Variants in SH3YL1 observed in about 807,000 individuals in gnomAD.
SH3YL1 encodes SH3 domain-containing YSC84-like protein 1.
A neutral mutation model predicts 45.8 loss-of-function variants in SH3YL1; 41 were observed. That is an observed-to-expected ratio of 0.89 (90% CI 0.70 to 1.16). SH3YL1 has a LOEUF of 1.16. SH3YL1 is among the 50% of genes most tolerant of loss of function. The pLI is 0.00. For missense variants in SH3YL1, 389 were observed against 409.6 expected (o/e 0.95, Z 0.43); for synonymous variants, 152 against 151.4 (o/e 1.00, Z -0.03).
chr2:247,355 AAAGT>A, intron 4 of SH3YL1, among the ~76,000 whole-genome samples, 179 bp downstream of exon 4: 1 of 152,364 alleles, frequency 6.6e-6, no homozygotes, highest in South Asian at 2.1e-4. Flanking sequence ...AAAGAAAAGG[AAAGT>A]AAATGGGAAC....
At chr2:263,684 T>A in intron 1 of SH3YL1, 1 of 376,512 alleles carries the variant, frequency 2.7e-6, no homozygotes, top group Admixed American at 4.7e-5. Flanking sequence ...GGATGGTCGC[T>A]GACACCTCGC....
In SH3YL1 at chr2:230,036, T is replaced by C; in HGVS notation, c.711A>G (p.Glu237=). 6.2e-7 allele frequency: 1 copy of C among 1,600,798 alleles called. No homozygotes were observed. Among genetic ancestry groups the C allele is most frequent in the Non-Finnish European group, 8.5e-7 (1 of 1,172,772 alleles). Residue 237 remains glutamate (E), a synonymous_variant, in exon 8 of 10, where the codon GAA becomes GAG. Coordinates refer to ENST00000356150, the MANE Select transcript of SH3YL1 (RefSeq NM_015677.4). ...AREQRKSSAK[E]LPPKPLSRPQ... is the part of the protein sequence containing the mutation. ...GTCTTGACAATGGCTTTGGAGGTAATTCTTTAGCCTGGGAGAAACAAAAAG... is the reference window on the plus strand; with the variant it reads ...GTCTTGACAATGGCTTTGGAGGTAACTCTTTAGCCTGGGAGAAACAAAAAG...
At chr2:229,262 T>A (rs570374133) in intron 8 of SH3YL1, among the ~76,000 whole-genome samples, 1 of 152,184 alleles carries the variant, frequency 6.6e-6, no homozygotes, top group Non-Finnish European at 1.5e-5. Context: ...GATCCTGAGC[T>A]CCAAAGAACA....
At position 218,888 on chromosome 2, in the gene SH3YL1, A is replaced by G. The variant is rs374187755; in HGVS notation, c.952T>C (p.Ser318Pro). 8 of 1,614,008 alleles carry G rather than the reference A, an allele frequency of 5.0e-6. No homozygotes were observed. Among genetic ancestry groups the G allele is most frequent in the East Asian group, 4.5e-5 (2 of 44,882 alleles). Reference protein sequence around the residue: ...DRITVISKTDSHFDWWEGKLR... With the variant: ...DRITVISKTDPHFDWWEGKLR... ...TTTCCTTCCCACCAATCAAAATGTGAATCTGTTTTTGATATAACTGTGATT... is the reference window on the plus strand; with the variant it reads ...TTTCCTTCCCACCAATCAAAATGTGGATCTGTTTTTGATATAACTGTGATT... Residue 318 changes from serine (S) to proline (P), a missense_variant, in exon 10 of 10, where the codon TCA becomes CCA. By Grantham distance (74) the Ser-to-Pro change is moderately conservative. Transcript: ENST00000356150.
At chr2:264,650 C>T (rs1189557102), upstream of SH3YL1, 1 of 251,168 alleles carries the variant, frequency 4.0e-6, no homozygotes, top group Non-Finnish European at 7.6e-6. Context: ...CCTTCCGCGG[C>T]CCTACTCCCT....
At chr2:252,915 C>A in intron 2 of SH3YL1, 90 bp downstream of exon 2, 1 of 734,046 alleles carries the variant, frequency 1.4e-6, no homozygotes, top group Non-Finnish European at 2.2e-6. Flanking sequence ...TTGATGGAGG[C>A]TTCTGCCTGA....
At chr2:226,055 T>C (rs1405365332) in intron 8 of SH3YL1, among the ~76,000 whole-genome samples, 1 of 152,098 alleles carries the variant, frequency 6.6e-6, no homozygotes, top group African/African-American at 2.4e-5. Flanking sequence ...TGAGCTCAAA[T>C]TATGTGAAGA....
intron 1 of SH3YL1, among the ~76,000 whole-genome samples, chr2:257,949 A>C (rs749265877): frequency 3.9e-5 from 6 of 152,206 alleles, no homozygotes; most frequent in Non-Finnish European, 8.8e-5. Context: ...ACTTTGTCAA[A>C]TATCAGATGA....
intron 9 of SH3YL1, among the ~76,000 whole-genome samples, chr2:221,767 G>C (rs541154118): frequency 6.6e-6 from 1 of 152,258 alleles, no homozygotes; most frequent in African/African-American, 2.4e-5. Context: ...TTGAGCTGTT[G>C]TTGGAGAAAC....
At chr2:228,790 T>TTA (rs1009185764) in intron 8 of SH3YL1, among the ~76,000 whole-genome samples, 24 of 152,052 alleles carry the variant, frequency 1.6e-4, no homozygotes, top group African/African-American at 5.3e-4. Context: ...CCTGGGAGGG[T>TTA]TACATTTAGA....
chr2:258,094 C>T (rs1351174772), intron 1 of SH3YL1, among the ~76,000 whole-genome samples: 1 of 152,178 alleles, frequency 6.6e-6, no homozygotes, highest in African/African-American at 2.4e-5. Context: ...CATGATTCCT[C>T]CAGCTGTTCT....
Position 238,247 on chromosome 2 carries a change from T to C in SH3YL1, c.292-3975A>G, listed in dbSNP as rs1167198902. Among the ~76,000 whole-genome samples, 10 of 148,690 alleles carry C rather than the reference T, an allele frequency of 6.7e-5. No homozygotes were observed. In the East Asian group the frequency reaches 2.0e-3, roughly 29 times the overall value. Reference sequence around the variant, plus strand: ...GCCTCACTACATGGGGAATAAACCTTTTCCTCCCTCCTTGTGTGTGTGTGT... The same window carrying C: ...GCCTCACTACATGGGGAATAAACCTCTTCCTCCCTCCTTGTGTGTGTGTGT... On this transcript the variant is annotated intron_variant, in intron 4 of 9. Coordinates refer to ENST00000356150, the MANE Select transcript of SH3YL1 (RefSeq NM_015677.4).
chr2:248,230 G>C (rs1205022815), intron 3 of SH3YL1, among the ~76,000 whole-genome samples: 2 of 152,080 alleles, frequency 1.3e-5, no homozygotes, highest in African/African-American at 4.8e-5. Context: ...TATTTTTCTT[G>C]ATATAGAAAC....
chr2:219,263 T>G (rs1667479929), intron 9 of SH3YL1, among the ~76,000 whole-genome samples: 1 of 152,202 alleles, frequency 6.6e-6, no homozygotes, highest in Non-Finnish European at 1.5e-5. Context: ...AACTTACATT[T>G]TTTCTATTTT....
At position 224,983 on chromosome 2, in the gene SH3YL1, C is replaced by T. The variant is rs1487999681; in HGVS notation, c.782-63G>A. The T allele has an allele frequency of 3.9e-6, 5 of 1,280,988 alleles. No homozygotes were observed. The African/African-American group carries it at 4.4e-5, about 11-fold the overall frequency. 79.4% of individuals were successfully genotyped at this position (1,280,988 alleles called of 1,614,324 possible). A position where few individuals can be genotyped will look rare whatever the true frequency, so the allele number is the denominator to read the frequency against. ...ATTAGTATATATCATACAAAATACA[C>T]AAAATTGCCAGATCCTGCCCTTGCT... On this transcript the variant is annotated intron_variant, in intron 8 of 9. Transcript: ENST00000356150.
chr2:236,404 C>T (rs1668305027), intron 4 of SH3YL1, among the ~76,000 whole-genome samples: 1 of 152,260 alleles, frequency 6.6e-6, no homozygotes, highest in South Asian at 2.1e-4. Flanking sequence ...CTAGGACCTA[C>T]ACCTCATGGA....
At chr2:237,708 T>C (rs1668365917) in intron 4 of SH3YL1, among the ~76,000 whole-genome samples, 1 of 152,062 alleles carries the variant, frequency 6.6e-6, no homozygotes, top group Non-Finnish European at 1.5e-5. Context: ...CCTAAAGAAA[T>C]GACAAATATT....
chr2:231,084 T>C lies in SH3YL1; in HGVS notation c.641A>G (p.Tyr214Cys). The C allele has an allele frequency of 6.2e-7, 1 of 1,614,180 alleles. No individual in the cohort carries two copies. The highest frequency in any genetic ancestry group is 8.5e-7 in the Non-Finnish European group (1 of 1,180,006). ...ATTGATTCGTTGTCCTTCATTTTCA[T>C]ACTTTTCAGTAAAGGAATCAAGAAT... The part of the protein sequence containing the change: ...YEILDSFTEK[Y>C]ENEGQRINAR... Residue 214 changes from tyrosine to cysteine, a missense_variant, in exon 7 of 10, where the codon TAT becomes TGT. Coordinates refer to ENST00000356150, the MANE Select transcript of SH3YL1 (RefSeq NM_015677.4).
chr2:262,482 T>G, intron 1 of SH3YL1: 4 of 723,644 alleles, frequency 5.5e-6, no homozygotes, highest in Non-Finnish European at 7.9e-6. Flanking sequence ...CTGAAGAGTG[T>G]GATCTTGGTA....
Sources: allele counts gnomAD v4.1 joint callset (sites outside exome capture counted in the v4.1 genomes callset), GRCh38; gene constraint gnomAD v4.1.1; transcripts MANE v1.5; gene names NCBI Gene and HGNC (gene_info 2026-07-23, HGNC 2026-07-21).